The following PXN variants were observed in gnomAD, a reference collection of about 807,000 sequenced individuals.
PXN encodes the protein paxillin.
A neutral mutation model predicts 103.6 loss-of-function variants in PXN; 61 were observed. The ratio of observed to expected loss-of-function variants is 0.59; its 90% confidence interval spans 0.48 to 0.73. PXN has a LOEUF of 0.73. PXN is among the 30% of genes least tolerant of loss of function. The pLI, the probability that PXN is intolerant of heterozygous loss-of-function variation, is 0.00. For missense variants in PXN, 1,274 were observed against 1,460.3 expected (o/e 0.87, Z 2.08); for synonymous variants, 562 against 607.8 (o/e 0.92, Z 1.11).
Position 120,216,436 on chromosome 12 carries a change from A to AG in PXN, c.2137dup (p.Leu713ProfsTer22). 2.9e-6 allele frequency: 4 copies of AG among 1,377,232 alleles called. No homozygotes were observed. Among genetic ancestry groups the AG allele is most frequent in the Non-Finnish European group, 3.7e-6 (4 of 1,074,718 alleles). 85.3% of individuals were successfully genotyped at this position (1,377,232 alleles called of 1,614,324 possible). Reference sequence around the variant, plus strand: ...ACCACAGGTATAAGCTGAGGGCCCCAGGGGGGAGGAGGCGAGCAGGCTGGG... The same window carrying AG: ...ACCACAGGTATAAGCTGAGGGCCCCAGGGGGGGAGGAGGCGAGCAGGCTGGG... On this transcript the variant is annotated frameshift_variant, in exon 9 of 15. Transcript: ENST00000637617. LOFTEE classifies it high-confidence loss of function. This position sits in a 1 kb window ranked among gnomAD's most constrained non-coding sequence, Gnocchi z 5.1.
At chr12:120,254,159 G>A (rs1195629294) in intron 1 of PXN, among the ~76,000 whole-genome samples, 4 of 152,120 alleles carry the variant, frequency 2.6e-5, no homozygotes, top group East Asian at 1.9e-4. Flanking sequence ...GATTACAGGC[G>A]TGAGCCACCA....
At chr12:120,251,349 C>T (rs1014074512) in intron 1 of PXN, among the ~76,000 whole-genome samples, 16 of 151,100 alleles carry the variant, frequency 1.1e-4, no homozygotes, top group African/African-American at 3.4e-4. Context: ...GAAACCCCAC[C>T]TCTACCAAAA....
chr12:120,242,807 GGAGGCA>G (rs1890378565), intron 1 of PXN, among the ~76,000 whole-genome samples: 1 of 151,900 alleles, frequency 6.6e-6, no homozygotes, highest in Admixed American at 6.6e-5. Context: ...CTTGAACCTG[GGAGGCA>G]GAGGTTGCAG....
intron 1 of PXN, among the ~76,000 whole-genome samples, chr12:120,238,697 T>C (rs1889583913): frequency 6.6e-6 from 1 of 152,212 alleles, no homozygotes; most frequent in Non-Finnish European, 1.5e-5. Context: ...TGTCTTCTAA[T>C]AGAAACAATA....
intron 1 of PXN, among the ~76,000 whole-genome samples, chr12:120,263,872 AAC>A (rs1467772585): frequency 6.6e-6 from 1 of 152,218 alleles, no homozygotes; most frequent in Non-Finnish European, 1.5e-5. Context: ...CAGTCCTTGA[AAC>A]AGCACGGGGA....
In PXN at chr12:120,212,287, A is replaced by T. The variant is rs1566343357; in HGVS notation, c.*27T>A. Reference sequence around the variant, plus strand: ...CGCAGTTGGGGATGCTGGCTGGGGAAGGGGGGCAGAGACAGGGGCAGGGCA... The same window carrying T: ...CGCAGTTGGGGATGCTGGCTGGGGATGGGGGGCAGAGACAGGGGCAGGGCA... On this transcript the variant is annotated 3_prime_UTR_variant, in exon 15 of 15. Coordinates refer to ENST00000637617, the MANE Select transcript of PXN (RefSeq NM_001385981.1). This position sits in a 1 kb window ranked among gnomAD's most constrained non-coding sequence, Gnocchi z 7.2. 2.5e-6 allele frequency: 4 copies of T among 1,601,204 alleles called. No individual in the cohort carries two copies. The Admixed American group carries it at 6.7e-5, about 27-fold the overall frequency.
At chr12:120,241,560 T>A (rs935228954) in intron 1 of PXN, among the ~76,000 whole-genome samples, 9 of 152,060 alleles carry the variant, frequency 5.9e-5, no homozygotes, top group African/African-American at 2.2e-4. Context: ...GGGGCAAATA[T>A]ACAATGCCTG....
chr12:120,226,736 C>T (rs1243102249), intron 1 of PXN: 1 of 1,094,018 alleles, frequency 9.1e-7, no homozygotes, highest in African/African-American at 1.7e-5. Context: ...CGAGCCAGAC[C>T]TGAGTTCAAG....
rs190231108 is a variant in PXN at position 120,238,881 on chromosome 12, G to A, written c.14-14504C>T. ...CTCTGTGCCTAGCTATGTATGGGGG[G>A]CACAGCTGTCCTTGGACGCTCCTAA... On this transcript the variant is annotated intron_variant, in intron 1 of 14. Coordinates refer to ENST00000637617, the MANE Select transcript of PXN (RefSeq NM_001385981.1). Among the ~76,000 whole-genome samples the A allele has an allele frequency of 5.9e-5, 9 of 152,296 alleles. No individual in the cohort carries two copies. The East Asian group carries it at 1.7e-3, about 29-fold the overall frequency.
Position 120,216,581 on chromosome 12 carries a change from C to G in PXN, c.1993G>C (p.Val665Leu). Residue 665 changes from valine to leucine, a missense_variant and splice_region_variant, in exon 9 of 15, where the codon GTT becomes CTT. Physicochemically the swap from Val to Leu is conservative, Grantham distance 32 (BLOSUM62 1). This residue lies in a region of PXN where 1,178 missense variants were observed against 1,309.0 expected (regional missense o/e 0.90). Transcript: ENST00000637617. This position sits in a 1 kb window ranked among gnomAD's most constrained non-coding sequence, Gnocchi z 5.1. The stretch of plus-strand genomic sequence containing the variant: ...ATGGGAGAGCCAGGAGGGAAGACAA[C>G]CTGGGGAGAAGAAAGGAGGGAGAGC... ...KRAGGQLVEK[V>L]VFPPGSPIPL... 6.9e-7 allele frequency: 1 copy of G among 1,445,740 alleles called. No homozygotes were observed. The highest frequency in any genetic ancestry group is 9.0e-7 in the Non-Finnish European group (1 of 1,110,134). The allele number at this position is 1,445,740 out of a possible 1,614,324, so 89.6% of individuals were successfully genotyped here.
chr12:120,263,363 G>T (rs564925643), intron 1 of PXN, among the ~76,000 whole-genome samples: 1 of 152,178 alleles, frequency 6.6e-6, no homozygotes, highest in Non-Finnish European at 1.5e-5. Flanking sequence ...CAAGGAAGTC[G>T]GGCAGCCCGG....
In PXN at chr12:120,212,335, G is replaced by A; in HGVS notation, c.3225C>T (p.Cys1075=). The A allele has an allele frequency of 1.2e-6, 2 of 1,613,712 alleles. No homozygotes were observed. Among genetic ancestry groups the A allele is most frequent in the South Asian group, 1.1e-5 (1 of 91,068 alleles). The change falls in exon 15 of 15, where the codon TGC becomes TGT. Residue 1075 remains cysteine (C), a synonymous_variant. Transcript: ENST00000637617. The surrounding 1 kb of genome is among the most constrained non-coding windows in gnomAD (Gnocchi z 7.2). ...EQNDKPYCQN[C]FLKLFC is the part of the protein sequence containing the mutation. Reference sequence around the variant, plus strand: ...GCACCTAGCAGAAGAGCTTGAGGAAGCAGTTCTGACAGTAAGGCTTGTCGT... The same window carrying A: ...GCACCTAGCAGAAGAGCTTGAGGAAACAGTTCTGACAGTAAGGCTTGTCGT...
At chr12:120,238,102 A>G (rs909726920) in intron 1 of PXN, among the ~76,000 whole-genome samples, 24 of 152,330 alleles carry the variant, frequency 1.6e-4, no homozygotes, top group African/African-American at 5.5e-4. Flanking sequence ...GAGGAAGCAG[A>G]TGGAGCTGCA....
Position 120,220,511 on chromosome 12 carries a change from C to T in PXN, c.832-420G>A, listed in dbSNP as rs575929042. On this transcript the variant is annotated intron_variant, in intron 6 of 14. Coordinates refer to ENST00000637617, the MANE Select transcript of PXN (RefSeq NM_001385981.1). This position sits in a 1 kb window ranked among gnomAD's most constrained non-coding sequence, Gnocchi z 6.1. ...CCTCCGGACAATCCCAGCTTTCCTA[C>T]ACCCCAAGTCCTCTACGTCTTCCAC... 7.2e-5 allele frequency among the ~76,000 whole-genome samples: 11 copies of T among 152,320 alleles called. No homozygotes were observed. The East Asian group carries it at 1.9e-3, about 27-fold the overall frequency.
rs550788846 is a variant in PXN at position 120,217,595 on chromosome 12, G to A, written c.1717-479C>T. Among the ~76,000 whole-genome samples, 3 of 151,228 alleles carry A rather than the reference G, an allele frequency of 2.0e-5. No homozygotes were observed. Among genetic ancestry groups the A allele is most frequent in the African/African-American group, 4.9e-5 (2 of 41,168 alleles). On this transcript the variant is annotated intron_variant, in intron 7 of 14. Transcript: ENST00000637617. The surrounding 1 kb of genome is among the most constrained non-coding windows in gnomAD (Gnocchi z 4.1). ...TTTCCTTCCAGGAACTTTTTTTTGGGGGGGGACAGAGTCTCGCTCTGTCGC... is the reference window on the plus strand; with the variant it reads ...TTTCCTTCCAGGAACTTTTTTTTGGAGGGGGACAGAGTCTCGCTCTGTCGC...
Position 120,216,096 on chromosome 12 carries a change from T to TG in PXN, c.2301+176dup. ...GCAAGAGGGCAGCGGACCTTCTGAG[T>TG]GGGGGAAGACCGGGGTCAAGGTTTA... On this transcript the variant is annotated intron_variant, in intron 9 of 14. Coordinates refer to ENST00000637617, the MANE Select transcript of PXN (RefSeq NM_001385981.1). This position sits in a 1 kb window ranked among gnomAD's most constrained non-coding sequence, Gnocchi z 5.1. The TG allele has an allele frequency of 7.7e-7, 1 of 1,291,046 alleles. No homozygotes were observed. The highest frequency in any genetic ancestry group is 9.8e-7 in the Non-Finnish European group (1 of 1,021,532). The allele number at this position is 1,291,046 out of a possible 1,614,324, so 80.0% of individuals were successfully genotyped here. A position where few individuals can be genotyped will look rare whatever the true frequency, so the allele number is the denominator to read the frequency against.
chr12:120,215,322 G>C lies in PXN; in HGVS notation c.2404-49C>G. ...CAGGACTCCTGAGGCTCGGGGTACGGTGTCTGGCAGCACAGGGATGGGGGT... is the reference window on the plus strand; with the variant it reads ...CAGGACTCCTGAGGCTCGGGGTACGCTGTCTGGCAGCACAGGGATGGGGGT... On this transcript the variant is annotated intron_variant, in intron 10 of 14. Transcript: ENST00000637617. This position sits in a 1 kb window ranked among gnomAD's most constrained non-coding sequence, Gnocchi z 4.9. 1 of 1,545,740 alleles carries C rather than the reference G, an allele frequency of 6.5e-7. No individual in the cohort carries two copies. Among genetic ancestry groups the C allele is most frequent in the Non-Finnish European group, 8.7e-7 (1 of 1,149,692 alleles).
chr12:120,226,570 A>G (rs1865631654), intron 1 of PXN: 6 of 1,202,792 alleles, frequency 5.0e-6, no homozygotes, highest in Non-Finnish European at 5.3e-6. Flanking sequence ...CCGCTCCACC[A>G]CAATGTGATT....
chr12:120,217,164 C>T lies in PXN; in HGVS notation c.1717-48G>A. 2.1e-6 allele frequency: 3 copies of T among 1,433,926 alleles called. No individual in the cohort carries two copies. The highest frequency in any genetic ancestry group is 1.7e-4 in the Middle Eastern group (1 of 5,750). 88.8% of individuals were successfully genotyped at this position (1,433,926 alleles called of 1,614,324 possible). On this transcript the variant is annotated intron_variant, in intron 7 of 14. Transcript: ENST00000637617. This position sits in a 1 kb window ranked among gnomAD's most constrained non-coding sequence, Gnocchi z 4.1. ...CTGTCACCGTCCCACTCCCAGCTTG[C>T]ACAACGCTGCTCAGGCCACACTCAG...
Sources: allele counts gnomAD v4.1 joint callset (sites outside exome capture counted in the v4.1 genomes callset), GRCh38; gene constraint gnomAD v4.1.1; regional missense constraint gnomAD v4.1.1; non-coding constraint Gnocchi (gnomAD v3.1); transcripts MANE v1.5; gene names NCBI Gene and HGNC (gene_info 2026-07-23, HGNC 2026-07-21).